The following WWOX variants were observed in gnomAD, a reference collection of about 807,000 sequenced individuals.
The protein encoded by WWOX is WW domain containing oxidoreductase.
WWOX carries 69 observed loss-of-function variants against 46.2 expected under a neutral mutation model. That is an observed-to-expected ratio of 1.49 (90% CI 1.23 to 1.82). The LOEUF (loss-of-function observed/expected upper bound fraction) is 1.82, where lower values mean the gene tolerates loss of function less well. WWOX is among the 40% of genes most tolerant of loss of function. The pLI is 0.00. For synonymous variants in WWOX, 359 were observed against 202.6 expected (o/e 1.77, Z -6.56); for missense variants, 919 against 542.6 (o/e 1.69, Z -6.89).
At chr16:78,643,187 G>A (rs938822524) in intron 8 of WWOX, among the ~76,000 whole-genome samples, 3 of 152,204 alleles carry the variant, frequency 2.0e-5, no homozygotes, top group African/African-American at 7.2e-5. Flanking sequence ...TTTGCAGCAT[G>A]TCTTGCCCTC....
At chr16:78,830,668 G>T (rs796940212) in intron 8 of WWOX, among the ~76,000 whole-genome samples, 2 of 151,694 alleles carry the variant, frequency 1.3e-5, no homozygotes, top group Non-Finnish European at 2.9e-5. Context: ...CTGCAGCACC[G>T]ATTGGGGCTG....
intron 5 of WWOX, among the ~76,000 whole-genome samples, chr16:78,300,015 A>G (rs1032049092): frequency 2.0e-5 from 3 of 152,196 alleles, no homozygotes; most frequent in African/African-American, 7.2e-5. Context: ...AGCTGCCTAC[A>G]AGGGAATCTT....
intron 8 of WWOX, among the ~76,000 whole-genome samples, chr16:79,198,261 C>T (rs2051279459): frequency 1.3e-5 from 2 of 152,130 alleles, no homozygotes; most frequent in African/African-American, 4.8e-5. Flanking sequence ...TCGCTTGAAC[C>T]TGGGAGGCGG....
chr16:78,843,431 C>G (rs1007804008), intron 8 of WWOX, among the ~76,000 whole-genome samples: 2 of 149,762 alleles, frequency 1.3e-5, no homozygotes, highest in South Asian at 4.4e-4. Context: ...TGCTAAGATG[C>G]GAATGCCCAG....
intron 5 of WWOX, among the ~76,000 whole-genome samples, chr16:78,337,542 G>A (rs996701148): frequency 6.6e-6 from 1 of 152,096 alleles, no homozygotes; most frequent in South Asian, 2.1e-4. Context: ...CATTCTATAG[G>A]TTTGTTCAAT....
chr16:78,896,636 AT>A (rs1214604592), intron 8 of WWOX: 1 of 152,122 alleles, frequency 6.6e-6, no homozygotes, highest in Non-Finnish European at 1.5e-5. Flanking sequence ...ATTAGTAAAC[AT>A]TTTCATAAAT....
intron 8 of WWOX, among the ~76,000 whole-genome samples, chr16:78,806,259 C>T (rs924972055): frequency 1.3e-5 from 2 of 152,062 alleles, no homozygotes; most frequent in African/African-American, 4.8e-5. Flanking sequence ...ATTTTCTGGC[C>T]ATTTGGATAT....
At chr16:78,353,804 T>G (rs1033087323) in intron 5 of WWOX, among the ~76,000 whole-genome samples, 1 of 152,238 alleles carries the variant, frequency 6.6e-6, no homozygotes, top group African/African-American at 2.4e-5. Context: ...GGTCAGCAGT[T>G]AGCGTCAAGT....
intron 8 of WWOX, among the ~76,000 whole-genome samples, chr16:78,759,591 C>G (rs951863738): frequency 2.0e-5 from 3 of 152,154 alleles, no homozygotes; most frequent in Admixed American, 1.3e-4. Context: ...CTAAAGAATT[C>G]TCAATCTGTG....
At chr16:78,516,756 C>G (rs184954465) in intron 8 of WWOX, among the ~76,000 whole-genome samples, 1 of 152,110 alleles carries the variant, frequency 6.6e-6, no homozygotes, top group Non-Finnish European at 1.5e-5. Context: ...TCCTAATGCT[C>G]CTTCCATTTA....
intron 8 of WWOX, among the ~76,000 whole-genome samples, chr16:78,581,034 A>T (rs762899861): frequency 3.3e-4 from 51 of 152,244 alleles, no homozygotes; most frequent in Non-Finnish European, 5.7e-4. Context: ...ATCATATGAA[A>T]ATCAGCCATC....
rs1001571682 is a variant in WWOX at position 78,774,595 on chromosome 16, A to G, written c.1056+341843A>G. On this transcript the variant is annotated intron_variant, in intron 8 of 8. Transcript: ENST00000566780. ...CCCCCCCCACACATATGCACATAAG[A>G]TAGCATAAGGTAGTTCCTGGCACAT... 3.3e-5 allele frequency among the ~76,000 whole-genome samples: 5 copies of G among 151,934 alleles called. No individual in the cohort carries two copies. In the East Asian group the frequency reaches 5.8e-4, roughly 18 times the overall value.
At chr16:78,494,311 T>C (rs2738720) in intron 8 of WWOX, among the ~76,000 whole-genome samples, 112,828 of 152,054 alleles carry the variant, frequency 0.74, 44,244 homozygotes, top group Admixed American at 0.86. Flanking sequence ...TGAGGTCCCT[T>C]CTCCAACACA....
chr16:78,924,258 T>C (rs1050950777), intron 8 of WWOX, among the ~76,000 whole-genome samples: 1 of 152,192 alleles, frequency 6.6e-6, no homozygotes, highest in African/African-American at 2.4e-5. Context: ...AAGAACTTTA[T>C]AATGTGGTTA....
intron 8 of WWOX, among the ~76,000 whole-genome samples, chr16:78,452,598 C>T (rs1461077857): frequency 6.6e-6 from 1 of 150,826 alleles, no homozygotes; most frequent in Non-Finnish European, 1.5e-5. Flanking sequence ...GCCTCAGCCT[C>T]CCGAGTAGCT....
intron 8 of WWOX, among the ~76,000 whole-genome samples, chr16:78,683,691 C>T (rs1373000707): frequency 6.6e-6 from 1 of 152,122 alleles, no homozygotes; most frequent in African/African-American, 2.4e-5. Flanking sequence ...CACGAGCTGC[C>T]ACGCCTCACC....
At chr16:78,586,351 C>A (rs1426289658) in intron 8 of WWOX, among the ~76,000 whole-genome samples, 1 of 152,094 alleles carries the variant, frequency 6.6e-6, no homozygotes, top group Non-Finnish European at 1.5e-5. Flanking sequence ...TCTAGGTAAC[C>A]TGAGGCTAGA....
At chr16:78,724,864 A>G (rs2048788032) in intron 8 of WWOX, among the ~76,000 whole-genome samples, 1 of 152,212 alleles carries the variant, frequency 6.6e-6, no homozygotes, top group East Asian at 1.9e-4. Context: ...GAGTTCCTCA[A>G]GGGCAATTGT....
chr16:79,130,801 T>G (rs2049861886), intron 8 of WWOX, among the ~76,000 whole-genome samples: 1 of 152,222 alleles, frequency 6.6e-6, no homozygotes, highest in South Asian at 2.1e-4. Context: ...CAAGTACATA[T>G]GCTCCCCAGC....
Sources: gnomAD v4.1 joint callset for allele counts (sites outside exome capture counted in the v4.1 genomes callset) on GRCh38, gnomAD v4.1.1 for gene constraint, MANE v1.5 for transcripts, NCBI Gene and HGNC (gene_info 2026-07-23, HGNC 2026-07-21) for gene names.